The following ZCCHC4 variants were observed in gnomAD, a reference collection of about 807,000 sequenced individuals.
The protein encoded by ZCCHC4 is rRNA N(6)-adenosine-methyltransferase ZCCHC4.
In ZCCHC4, 54 loss-of-function variants were observed where a neutral mutation model predicts 67.7. That is an observed-to-expected ratio of 0.80 (90% CI 0.64 to 1.00). ZCCHC4 has a LOEUF of 1.00. Among genes scored for constraint, ZCCHC4 ranks in the 50% least tolerant of loss-of-function variants. The pLI, the probability that ZCCHC4 is intolerant of heterozygous loss-of-function variation, is 0.00. For synonymous variants in ZCCHC4, 198 were observed against 213.5 expected (o/e 0.93, Z 0.63); for missense variants, 609 against 617.0 (o/e 0.99, Z 0.14).
At chr4:25,338,148 A>G (rs1033893480) in intron 5 of ZCCHC4, among the ~76,000 whole-genome samples, 3 of 152,184 alleles carry the variant, frequency 2.0e-5, no homozygotes, top group Admixed American at 2.0e-4. Flanking sequence ...CTGGAATGCA[A>G]TGGTGTGATC....
intron 12 of ZCCHC4, among the ~76,000 whole-genome samples, chr4:25,366,768 A>G (rs774005643): frequency 6.6e-6 from 1 of 152,206 alleles, no homozygotes; most frequent in Non-Finnish European, 1.5e-5. Flanking sequence ...GTGAACTTAC[A>G]TGGAAACAAT....
intron 5 of ZCCHC4, among the ~76,000 whole-genome samples, chr4:25,340,846 A>G (rs1237954383): frequency 6.6e-6 from 1 of 152,204 alleles, no homozygotes; most frequent in African/African-American, 2.4e-5. Flanking sequence ...TAACCATTGA[A>G]TAACATGGTT....
intron 3 of ZCCHC4, among the ~76,000 whole-genome samples, chr4:25,325,814 T>C (rs1718852027): frequency 1.3e-5 from 2 of 152,224 alleles, no homozygotes; most frequent in Non-Finnish European, 2.9e-5. Context: ...AGGTCTATGA[T>C]CTATTCGGGG....
intron 3 of ZCCHC4, among the ~76,000 whole-genome samples, chr4:25,320,623 C>T (rs1718534308): frequency 6.6e-6 from 1 of 152,232 alleles, no homozygotes; most frequent in Non-Finnish European, 1.5e-5. Context: ...TTCATATTCT[C>T]ATGTTCTCTC....
intron 5 of ZCCHC4, among the ~76,000 whole-genome samples, chr4:25,340,054 G>A (rs1444221641): frequency 6.6e-6 from 1 of 152,052 alleles, no homozygotes; most frequent in Non-Finnish European, 1.5e-5. Flanking sequence ...ATTTTTAGTA[G>A]AGATGAGCTT....
intron 5 of ZCCHC4, among the ~76,000 whole-genome samples, chr4:25,335,957 A>T (rs1577740742): frequency 6.6e-6 from 1 of 152,214 alleles, no homozygotes; most frequent in African/African-American, 2.4e-5. Context: ...TCTGCTTAAC[A>T]TGAGTGACCC....
At chr4:25,316,425 A>G (rs1015639266) in intron 3 of ZCCHC4, among the ~76,000 whole-genome samples, 4 of 152,240 alleles carry the variant, frequency 2.6e-5, no homozygotes, top group South Asian at 2.1e-4. Context: ...ACCATTTTAC[A>G]TTCCCACTAG....
chr4:25,325,434 A>G (rs748564710), intron 3 of ZCCHC4, among the ~76,000 whole-genome samples: 4 of 149,226 alleles, frequency 2.7e-5, no homozygotes, highest in Admixed American at 1.3e-4. Flanking sequence ...CACCCGGCTA[A>G]TTTTTTTTTA....
rs190882699 is a variant in ZCCHC4, at chr4:25,313,873, A to G, written c.128-173A>G. 3.2e-3 allele frequency among the ~76,000 whole-genome samples: 484 copies of G among 152,310 alleles called. 1 individual carries two copies. The highest frequency in any genetic ancestry group is 0.011 in the African/African-American group (467 of 41,576). ...GAGGGAGACCCTGTCTCAAGAAAAC[A>G]AAACAAAAAACCCTAACAAAACAAA... On this transcript the variant is annotated intron_variant, in intron 1 of 12. Coordinates refer to ENST00000302874, the MANE Select transcript of ZCCHC4 (RefSeq NM_024936.3).
At chr4:25,356,138 T>A (rs975178536) in intron 8 of ZCCHC4, among the ~76,000 whole-genome samples, 2 of 152,212 alleles carry the variant, frequency 1.3e-5, no homozygotes, top group Admixed American at 1.3e-4. Context: ...ATTTTGTGCT[T>A]TCCCTCATTT....
At chr4:25,357,607 G>T (rs1720566695) in intron 8 of ZCCHC4, among the ~76,000 whole-genome samples, 1 of 152,020 alleles carries the variant, frequency 6.6e-6, no homozygotes, top group Admixed American at 6.6e-5. Flanking sequence ...CCCCTTAAAG[G>T]CCTCTCTTTC....
intron 3 of ZCCHC4, among the ~76,000 whole-genome samples, chr4:25,316,430 C>G (rs1313304091): frequency 6.6e-6 from 1 of 152,240 alleles, no homozygotes; most frequent in African/African-American, 2.4e-5. Context: ...TTTACATTCC[C>G]ACTAGGAGTG....
intron 3 of ZCCHC4, among the ~76,000 whole-genome samples, chr4:25,322,226 G>T (rs776157745): frequency 3.9e-5 from 6 of 152,138 alleles, no homozygotes; most frequent in African/African-American, 1.4e-4. Context: ...TTGGAATTCA[G>T]TGGCATGATC....
At chr4:25,323,106 A>G (rs1164909572) in intron 3 of ZCCHC4, among the ~76,000 whole-genome samples, 1 of 152,206 alleles carries the variant, frequency 6.6e-6, no homozygotes, top group Non-Finnish European at 1.5e-5. Flanking sequence ...TAAACCATCC[A>G]TTACAAAGCT....
intron 4 of ZCCHC4, 21 bp from the exon 5 acceptor site, chr4:25,333,887 T>C: frequency 6.5e-7 from 1 of 1,535,206 alleles, no homozygotes; most frequent in Non-Finnish European, 8.8e-7. Flanking sequence ...TTATTACATT[T>C]GCTTTCACTA....
At chr4:25,342,879 C>T (rs1435721871) in intron 5 of ZCCHC4, among the ~76,000 whole-genome samples, 1 of 152,170 alleles carries the variant, frequency 6.6e-6, no homozygotes, top group Non-Finnish European at 1.5e-5. Flanking sequence ...TATTCCTCTG[C>T]ACACTGCTGC....
chr4:25,356,885 A>G (rs1217828146), intron 8 of ZCCHC4, among the ~76,000 whole-genome samples: 1 of 152,178 alleles, frequency 6.6e-6, no homozygotes, highest in East Asian at 1.9e-4. Context: ...AATAGATAAC[A>G]TATTCATAGA....
intron 5 of ZCCHC4, among the ~76,000 whole-genome samples, chr4:25,335,909 T>A (rs1719435319): frequency 6.6e-6 from 1 of 152,208 alleles, no homozygotes; most frequent in Admixed American, 6.5e-5. Context: ...TGGTAACCAC[T>A]CATCCCTTGT....
At chr4:25,315,285 A>AG (rs1718192789) in intron 2 of ZCCHC4, 33 bp from the exon 3 acceptor site, 3 of 1,564,230 alleles carry the variant, frequency 1.9e-6, no homozygotes, top group Non-Finnish European at 2.6e-6. Context: ...GATATTTCAC[A>AG]GTTTATTCAA....
Sources: gnomAD v4.1 joint callset for allele counts (sites outside exome capture counted in the v4.1 genomes callset) on GRCh38, gnomAD v4.1.1 for gene constraint, MANE v1.5 for transcripts, NCBI Gene and HGNC (gene_info 2026-07-23, HGNC 2026-07-21) for gene names.